Variants in MAST4 observed in about 807,000 individuals in gnomAD.
MAST4 encodes microtubule-associated serine/threonine-protein kinase 4.
A neutral mutation model predicts 162.7 loss-of-function variants in MAST4; 89 were observed. The observed-to-expected ratio is 0.55, with a 90% confidence interval of 0.46 to 0.65. The LOEUF is 0.65. Among genes scored for constraint, MAST4 ranks in the 30% least tolerant of loss-of-function variants. The pLI is 0.00. For synonymous variants in MAST4, 1,479 were observed against 1,361.1 expected (o/e 1.09, Z -1.91); for missense variants, 3,153 against 3,374.0 (o/e 0.93, Z 1.62).
chr5:66,733,079 T>A (rs1446043904), intron 1 of MAST4, among the ~76,000 whole-genome samples: 3 of 152,174 alleles, frequency 2.0e-5, no homozygotes, highest in Non-Finnish European at 4.4e-5. Flanking sequence ...CAAGTCTCAT[T>A]CCAAGGCCAC....
rs1309992391 is a variant in MAST4 at position 66,910,746 on chromosome 5, TTTTTTTTTC to T, written c.674+10773_674+10781del. ...CACATGTGGTTTTTTTTTTTCTTTT[TTTTTTTTTC>T]TTTTTTTTTTTTTTGAGATGGAATC... On this transcript the variant is annotated intron_variant, in intron 4 of 28. Transcript: ENST00000403625. 3.0e-3 allele frequency among the ~76,000 whole-genome samples: 408 copies of T among 138,240 alleles called. 17 individuals carry two copies. The highest frequency in any genetic ancestry group is 0.011 in the African/African-American group (394 of 36,912). The allele number at this position is 138,240 out of a possible 152,430, so 90.7% of individuals were successfully genotyped here. A position where few individuals can be genotyped will look rare whatever the true frequency, so the allele number is the denominator to read the frequency against.
chr5:67,130,222 T>C lies in MAST4; in HGVS notation c.1758T>C (p.Phe586=), dbSNP rs1768797957. The change falls in exon 15 of 29, where the codon TTT becomes TTC. Residue 586 remains phenylalanine (F), a synonymous_variant. Coordinates refer to ENST00000403625, the MANE Select transcript of MAST4 (RefSeq NM_001164664.2). The part of the protein sequence containing the change: ...ISNGAYGAVY[F]VRHKESRQRF... ...TGCTCCTTTTCAGGGCAGTCTACTT[T>C]GTTCGGCATAAAGAATCCCGGCAGA... 6.2e-7 allele frequency: 1 copy of C among 1,612,384 alleles called. No individual in the cohort carries two copies. Among genetic ancestry groups the C allele is most frequent in the South Asian group, 1.1e-5 (1 of 90,906 alleles).
At chr5:67,095,183 C>T (rs528118144) in intron 6 of MAST4, among the ~76,000 whole-genome samples, 1 of 152,206 alleles carries the variant, frequency 6.6e-6, no homozygotes, top group East Asian at 1.9e-4. Flanking sequence ...AAAGAAAGTC[C>T]CCACAGGCCC....
intron 1 of MAST4, chr5:66,662,780 C>T (rs922240392): frequency 1.3e-5 from 2 of 152,072 alleles, no homozygotes; most frequent in African/African-American, 4.8e-5. Context: ...TGGGTAATCC[C>T]TTAAAGATAT....
rs34976616 is a variant in MAST4 at position 66,832,876 on chromosome 5, T to G, written c.642+44082T>G. ...AATTCCAGAAAGACATTGAGACTTC[T>G]TTGGGACAGGAAGTATCCAGATGGC... On this transcript the variant is annotated intron_variant, in intron 3 of 28. Transcript: ENST00000403625. Among the ~76,000 whole-genome samples, 1,372 of 152,334 alleles carry G rather than the reference T, an allele frequency of 9.0e-3. 22 individuals are homozygous for G. Among genetic ancestry groups the G allele is most frequent in the South Asian group, 0.081 (392 of 4,826 alleles).
At chr5:67,032,442 C>T (rs1755457209) in intron 4 of MAST4, among the ~76,000 whole-genome samples, 1 of 152,146 alleles carries the variant, frequency 6.6e-6, no homozygotes, top group Non-Finnish European at 1.5e-5. Flanking sequence ...AAGCATGCCT[C>T]TGTGCCAGGT....
intron 2 of MAST4, among the ~76,000 whole-genome samples, chr5:66,766,631 C>T (rs1754109572): frequency 1.3e-5 from 2 of 152,062 alleles, no homozygotes; most frequent in Non-Finnish European, 2.9e-5. Context: ...ATGGGTTTCT[C>T]ATCCTAAAGA....
chr5:67,037,781 G>T (rs148777289), intron 4 of MAST4, among the ~76,000 whole-genome samples: 2,773 of 152,126 alleles, frequency 0.018, 40 homozygotes, highest in Middle Eastern at 0.054. Context: ...GACAACAAGA[G>T]CCAGGAGAAT....
chr5:66,807,222 T>C (rs6872303), intron 3 of MAST4, among the ~76,000 whole-genome samples: 7,337 of 152,050 alleles, frequency 0.048, 260 homozygotes, highest in South Asian at 0.13. Context: ...ATTGGCCGGG[T>C]GCGGTGGCTC....
At chr5:66,679,512 T>G (rs1268440320) in intron 1 of MAST4, among the ~76,000 whole-genome samples, 1 of 152,190 alleles carries the variant, frequency 6.6e-6, no homozygotes, top group Non-Finnish European at 1.5e-5. Context: ...GAAGATGGTA[T>G]GTGTATAAAC....
chr5:66,847,041 A>AT (rs1252887377), intron 3 of MAST4, among the ~76,000 whole-genome samples: 2 of 152,130 alleles, frequency 1.3e-5, no homozygotes, highest in Non-Finnish European at 2.9e-5. Context: ...CTTAGTGGAC[A>AT]TTAATTAGGA....
intron 4 of MAST4, among the ~76,000 whole-genome samples, chr5:66,953,425 G>A (rs1175545080): frequency 6.6e-6 from 1 of 152,040 alleles, no homozygotes; most frequent in Non-Finnish European, 1.5e-5. Context: ...AATAAGCAGT[G>A]GTGAAGCTTA....
intron 2 of MAST4, among the ~76,000 whole-genome samples, chr5:66,785,748 G>A (rs891063696): frequency 2.6e-5 from 4 of 152,154 alleles, no homozygotes; most frequent in African/African-American, 4.8e-5. Flanking sequence ...CATTTATTGA[G>A]CATTTACTAA....
intron 4 of MAST4, among the ~76,000 whole-genome samples, chr5:66,917,722 T>C (rs1272477908): frequency 3.3e-5 from 5 of 152,062 alleles, no homozygotes; most frequent in Non-Finnish European, 4.4e-5. Flanking sequence ...TTTGGAACTA[T>C]TTCTGGACTC....
chr5:66,995,248 TATCA>T (rs1396430037), intron 4 of MAST4, among the ~76,000 whole-genome samples: 2 of 152,180 alleles, frequency 1.3e-5, no homozygotes, highest in African/African-American at 2.4e-5. Context: ...TGTCAAAAAA[TATCA>T]ATCAAATTTT....
rs13170244 is a variant in MAST4, at chr5:67,078,675, T to A, written c.764-11487T>A. Among the ~76,000 whole-genome samples, 115 of 138,044 alleles carry A rather than the reference T, an allele frequency of 8.3e-4. 1 individual carries two copies. The highest frequency in any genetic ancestry group is 1.7e-3 in the Non-Finnish European group (109 of 65,224). 90.6% of individuals were successfully genotyped at this position (138,044 alleles called of 152,430 possible). On this transcript the variant is annotated intron_variant, in intron 5 of 28. Coordinates refer to ENST00000403625, the MANE Select transcript of MAST4 (RefSeq NM_001164664.2). The stretch of plus-strand genomic sequence containing the variant: ...ATATATATTTATTTTATATTTATAT[T>A]ATATTTATTTATATTTATATATTTA...
At chr5:67,062,767 T>G (rs1759780046) in intron 5 of MAST4, among the ~76,000 whole-genome samples, 1 of 152,172 alleles carries the variant, frequency 6.6e-6, no homozygotes, top group Admixed American at 6.5e-5. Context: ...TTAACTTTCT[T>G]TTTTGTTTTT....
chr5:67,111,742 C>T (rs1423455711), intron 11 of MAST4, among the ~76,000 whole-genome samples: 1 of 152,130 alleles, frequency 6.6e-6, no homozygotes, highest in Non-Finnish European at 1.5e-5. Flanking sequence ...ATACTAAGAG[C>T]AGATCTTGCT....
At chr5:66,663,434 C>T (rs530006083) in intron 1 of MAST4, among the ~76,000 whole-genome samples, 2 of 152,132 alleles carry the variant, frequency 1.3e-5, no homozygotes, top group South Asian at 2.1e-4. Context: ...AAAAATAAAG[C>T]AGGTTAAGGG....
Sources: allele counts gnomAD v4.1 joint callset (sites outside exome capture counted in the v4.1 genomes callset), GRCh38; gene constraint gnomAD v4.1.1; transcripts MANE v1.5; gene names NCBI Gene and HGNC (gene_info 2026-07-23, HGNC 2026-07-21).